The following NKAIN2 variants were observed in gnomAD, a reference collection of about 807,000 sequenced individuals.
NKAIN2 encodes sodium/potassium transporting ATPase interacting 2.
Under a neutral mutation model 32.6 loss-of-function variants are expected in NKAIN2, and 14 were observed. The ratio of observed to expected loss-of-function variants is 0.43; its 90% CI spans 0.28 to 0.67. The LOEUF is 0.67. NKAIN2 is among the 30% of genes least tolerant of loss of function. The pLI is 0.17. For synonymous variants in NKAIN2, 80 were observed against 87.2 expected (o/e 0.92, Z 0.46); for missense variants, 198 against 258.3 (o/e 0.77, Z 1.60).
chr6:124,323,555 T>TC (rs1797281474), intron 2 of NKAIN2, among the ~76,000 whole-genome samples: 1 of 152,034 alleles, frequency 6.6e-6, no homozygotes, highest in African/African-American at 2.4e-5. Context: ...GACTACTCTT[T>TC]CCCCCCACTT....
intron 1 of NKAIN2, among the ~76,000 whole-genome samples, chr6:124,186,363 A>G (rs1433849506): frequency 6.6e-6 from 1 of 152,124 alleles, no homozygotes; most frequent in Non-Finnish European, 1.5e-5. Flanking sequence ...GGACCACTTG[A>G]GCACAGGAGT....
chr6:124,821,980 T>C (rs1029822461), intron 6 of NKAIN2, among the ~76,000 whole-genome samples: 1 of 152,178 alleles, frequency 6.6e-6, no homozygotes, highest in African/African-American at 2.4e-5. Context: ...TCCAAATTCT[T>C]AGACAGACTG....
intron 1 of NKAIN2, among the ~76,000 whole-genome samples, chr6:124,240,851 T>C (rs564038529): frequency 6.6e-6 from 1 of 152,238 alleles, no homozygotes; most frequent in African/African-American, 2.4e-5. Context: ...GGATACCCTC[T>C]CTCACCACTC....
intron 1 of NKAIN2, among the ~76,000 whole-genome samples, chr6:124,020,697 T>C (rs914620909): frequency 6.6e-6 from 1 of 152,174 alleles, no homozygotes; most frequent in African/African-American, 2.4e-5. Context: ...TGAATACTCA[T>C]TGTACCTTTC....
intron 2 of NKAIN2, among the ~76,000 whole-genome samples, chr6:124,312,552 C>T (rs552871804): frequency 1.3e-5 from 2 of 152,256 alleles, no homozygotes; most frequent in South Asian, 4.1e-4. Flanking sequence ...TGAAGAGATG[C>T]AAAAGGCAGG....
At chr6:124,672,188 C>A (rs1773141597) in intron 4 of NKAIN2, among the ~76,000 whole-genome samples, 1 of 152,010 alleles carries the variant, frequency 6.6e-6, no homozygotes, top group Non-Finnish European at 1.5e-5. Context: ...TATAAGTCTG[C>A]AATGATGCCT....
At chr6:124,012,336 T>TG (rs925216157) in intron 1 of NKAIN2, among the ~76,000 whole-genome samples, 4 of 145,898 alleles carry the variant, frequency 2.7e-5, no homozygotes, top group African/African-American at 1.0e-4. Flanking sequence ...TCTACATGAT[T>TG]TTTTTTTTTT....
At chr6:124,221,010 A>T (rs914555132) in intron 1 of NKAIN2, among the ~76,000 whole-genome samples, 1 of 152,174 alleles carries the variant, frequency 6.6e-6, no homozygotes, top group African/African-American at 2.4e-5. Flanking sequence ...GTGTGAATCC[A>T]ACAAAGTGCT....
chr6:123,991,858 T>C (rs528114333), intron 1 of NKAIN2, among the ~76,000 whole-genome samples: 1 of 152,166 alleles, frequency 6.6e-6, no homozygotes, highest in South Asian at 2.1e-4. Context: ...AGCGAGACTC[T>C]GTCTCAAATG....
intron 2 of NKAIN2, among the ~76,000 whole-genome samples, chr6:124,324,380 A>G (rs2115033428): frequency 6.6e-6 from 1 of 152,178 alleles, no homozygotes; most frequent in South Asian, 2.1e-4. Context: ...TGTAAATGTT[A>G]TTCTATTTTT....
intron 3 of NKAIN2, among the ~76,000 whole-genome samples, chr6:124,586,774 A>G (rs1223681635): frequency 6.6e-6 from 1 of 152,238 alleles, no homozygotes; most frequent in East Asian, 1.9e-4. Context: ...GTGGTCATCA[A>G]AACTGAAACT....
chr6:124,470,010 C>T (rs1204465675), intron 3 of NKAIN2, among the ~76,000 whole-genome samples: 1 of 152,140 alleles, frequency 6.6e-6, no homozygotes, highest in East Asian at 1.9e-4. Flanking sequence ...TTGAGATGCT[C>T]AGGGAAATTA....
At chr6:124,373,423 G>GTCTAA (rs1799854849) in intron 3 of NKAIN2, among the ~76,000 whole-genome samples, 1 of 152,098 alleles carries the variant, frequency 6.6e-6, no homozygotes, top group Non-Finnish European at 1.5e-5. Context: ...CTCAAGCAGT[G>GTCTAA]TTGTCAAGCA....
intron 4 of NKAIN2, among the ~76,000 whole-genome samples, chr6:124,686,812 G>C (rs993065161): frequency 6.6e-6 from 1 of 152,106 alleles, no homozygotes; most frequent in African/African-American, 2.4e-5. Context: ...TATTGATCCT[G>C]GGTGTGTCTG....
intron 1 of NKAIN2, among the ~76,000 whole-genome samples, chr6:124,226,419 G>C (rs981843402): frequency 6.6e-6 from 1 of 151,866 alleles, no homozygotes; most frequent in African/African-American, 2.4e-5. Flanking sequence ...CTAACTTTTT[G>C]CTGTTGCCTC....
chr6:124,694,383 C>T (rs1052258184), intron 4 of NKAIN2, among the ~76,000 whole-genome samples: 1 of 152,196 alleles, frequency 6.6e-6, no homozygotes, highest in Non-Finnish European at 1.5e-5. Flanking sequence ...TTCAACTTTG[C>T]ATAAATTGCA....
chr6:124,239,478 T>C (rs36138374), intron 1 of NKAIN2, among the ~76,000 whole-genome samples: 1 of 152,212 alleles, frequency 6.6e-6, no homozygotes, highest in African/African-American at 2.4e-5. Context: ...ATTCTAAAAT[T>C]GGCCACATAA....
At chr6:124,822,932 C>T (rs929851648) in intron 6 of NKAIN2, among the ~76,000 whole-genome samples, 4 of 152,134 alleles carry the variant, frequency 2.6e-5, no homozygotes, top group Non-Finnish European at 4.4e-5. Context: ...TATCACACAA[C>T]ATTTGTAAAC....
intron 4 of NKAIN2, among the ~76,000 whole-genome samples, chr6:124,662,325 G>A (rs1784777447): frequency 1.3e-5 from 2 of 150,882 alleles, no homozygotes; most frequent in African/African-American, 4.9e-5. Context: ...ATATATGTAA[G>A]CTTTCTGTTT....
Sources: gnomAD v4.1 joint callset for allele counts (sites outside exome capture counted in the v4.1 genomes callset) on GRCh38, gnomAD v4.1.1 for gene constraint, MANE v1.5 for transcripts, NCBI Gene and HGNC (gene_info 2026-07-23, HGNC 2026-07-21) for gene names.